Variants in MYO6 observed in about 807,000 individuals in gnomAD.
MYO6 encodes myosin VI, also known as unconventional myosin-VI.
Under a neutral mutation model 178.7 loss-of-function variants are expected in MYO6, and 74 were observed. The ratio of observed to expected loss-of-function variants is 0.41; its 90% CI spans 0.34 to 0.50. MYO6 has a LOEUF of 0.50. Ranked by LOEUF, MYO6 falls within the 20% of genes least tolerant of loss-of-function variation. The probability of loss-of-function intolerance (pLI) is 0.09; values close to 1 mark genes in which losing one functional copy is unlikely to be tolerated. For missense variants in MYO6, 1,330 were observed against 1,547.4 expected (o/e 0.86, Z 2.36); for synonymous variants, 477 against 504.6 (o/e 0.95, Z 0.73).
At chr6:75,907,740 A>G (rs774179625) in intron 31 of MYO6, 32 bp downstream of exon 31, 10 of 1,537,908 alleles carry the variant, frequency 6.5e-6, no homozygotes, top group Non-Finnish European at 8.1e-6. Flanking sequence ...AAAATAGAAA[A>G]TGTTCATAGT....
At chr6:75,836,340 A>T (rs1327135848) in intron 7 of MYO6, among the ~76,000 whole-genome samples, 3 of 152,152 alleles carry the variant, frequency 2.0e-5, no homozygotes, top group Admixed American at 6.5e-5. Context: ...TAGAGAAGTC[A>T]TTTTTTAACG....
In MYO6 at chr6:75,911,693, ATTC is replaced by A; in HGVS notation, c.3435_3437del (p.Asn1145_Ser1146delinsLys). On this transcript the variant is annotated inframe_deletion and splice_region_variant, in exon 33 of 35. Coordinates refer to ENST00000369977, the MANE Select transcript of MYO6 (RefSeq NM_004999.4). Reference sequence around the variant, plus strand: ...ACAGATTTTGCACCATTTTTGAACAATTCACGTAAGTCAATGGGTGGTAACTCA... The same window carrying A: ...ACAGATTTTGCACCATTTTTGAACAAACGTAAGTCAATGGGTGGTAACTCA... 1 of 1,612,238 alleles carries A rather than the reference ATTC, an allele frequency of 6.2e-7. No individual in the cohort carries two copies. Among genetic ancestry groups the A allele is most frequent in the African/African-American group, 1.3e-5 (1 of 74,986 alleles).
chr6:75,843,937 G>A (rs537451250), intron 9 of MYO6, among the ~76,000 whole-genome samples: 2 of 151,888 alleles, frequency 1.3e-5, no homozygotes, highest in African/African-American at 4.8e-5. Context: ...TATTTAATTT[G>A]GGAATTCATG....
At chr6:75,764,447 G>GA (rs1338511257) in intron 1 of MYO6, among the ~76,000 whole-genome samples, 1 of 152,010 alleles carries the variant, frequency 6.6e-6, no homozygotes, top group Non-Finnish European at 1.5e-5. Context: ...TTAAATCTTT[G>GA]AAAGTAGCCA....
At chr6:75,841,502 A>AAG in intron 9 of MYO6, 124 bp downstream of exon 9, 1 of 879,636 alleles carries the variant, frequency 1.1e-6, no homozygotes, top group Non-Finnish European at 1.7e-6. Context: ...CAGCCTGGGC[A>AAG]ATGTAGCGAG....
At position 75,817,623 on chromosome 6, in the gene MYO6, C is replaced by T; in HGVS notation, c.76C>T (p.Pro26Ser). The T allele has an allele frequency of 6.2e-7, 1 of 1,614,034 alleles. No individual in the cohort carries two copies. The highest frequency in any genetic ancestry group is 1.1e-5 in the South Asian group (1 of 91,066). ...GATGGGCAATATTGTGGATATTGGCCCCGACAGCTTAACAATTGAACCCTT... is the reference window on the plus strand; with the variant it reads ...GATGGGCAATATTGTGGATATTGGCTCCGACAGCTTAACAATTGAACCCTT... ...FQMGNIVDIG[P>S]DSLTIEPLNQ... The change falls in exon 2 of 35, where the codon CCC becomes TCC. Residue 26 changes from proline (P) to serine (S), a missense_variant. Physicochemically the swap from Pro to Ser is moderately conservative, Grantham distance 74. Transcript: ENST00000369977.
chr6:75,860,954 C>G, intron 14 of MYO6, 69 bp from the exon 15 acceptor site: 2 of 1,159,198 alleles, frequency 1.7e-6, no homozygotes, highest in Non-Finnish European at 2.6e-6. Flanking sequence ...ATGTTATGTT[C>G]AGAAACAGTG....
chr6:75,800,187 G>T (rs1367652619), intron 1 of MYO6, among the ~76,000 whole-genome samples: 1 of 152,062 alleles, frequency 6.6e-6, no homozygotes, highest in African/African-American at 2.4e-5. Flanking sequence ...AAACAGTCCC[G>T]TAATAAGAGT....
At chr6:75,875,105 C>T (rs1353196743) in intron 20 of MYO6, among the ~76,000 whole-genome samples, 1 of 152,162 alleles carries the variant, frequency 6.6e-6, no homozygotes, top group African/African-American at 2.4e-5. Context: ...TTAAGTTAGG[C>T]CTCTTTTTCT....
intron 33 of MYO6, among the ~76,000 whole-genome samples, chr6:75,913,047 T>C (rs1780881338): frequency 1.3e-5 from 2 of 152,174 alleles, no homozygotes; most frequent in African/African-American, 2.4e-5. Context: ...CTTCTTGGCT[T>C]TATATCATAT....
intron 12 of MYO6, among the ~76,000 whole-genome samples, chr6:75,855,542 A>G (rs575887138): frequency 3.3e-5 from 5 of 152,326 alleles, no homozygotes; most frequent in Admixed American, 6.5e-5. Flanking sequence ...ATAAATCAAT[A>G]TATGACAGTT....
chr6:75,782,675 T>C (rs971667857), intron 1 of MYO6, among the ~76,000 whole-genome samples: 1 of 152,132 alleles, frequency 6.6e-6, no homozygotes, highest in African/African-American at 2.4e-5. Flanking sequence ...CAAGTTTCCT[T>C]TCTCTTCTTT....
At position 75,861,022 on chromosome 6, in the gene MYO6, G is replaced by T; in HGVS notation, c.1474-1G>T. The T allele has an allele frequency of 6.3e-7, 1 of 1,585,490 alleles. No individual in the cohort carries two copies. Among genetic ancestry groups the T allele is most frequent in the Non-Finnish European group, 8.7e-7 (1 of 1,154,478 alleles). ...TATGATTATGATTATTTCATTTTTA[G>T]GAACAAGAACTCTATCAAAAAGAAG... On this transcript the variant is annotated splice_acceptor_variant, in intron 14 of 34. Transcript: ENST00000369977. LOFTEE classifies it high-confidence loss of function.
intron 1 of MYO6, among the ~76,000 whole-genome samples, chr6:75,765,104 T>G (rs1778291898): frequency 6.6e-6 from 1 of 150,456 alleles, no homozygotes; most frequent in African/African-American, 2.4e-5. Context: ...ATTTTTCCTG[T>G]CAATATTGTG....
At chr6:75,762,947 C>T (rs1778078989) in intron 1 of MYO6, among the ~76,000 whole-genome samples, 1 of 151,634 alleles carries the variant, frequency 6.6e-6, no homozygotes, top group African/African-American at 2.4e-5. Context: ...GTATTGAACT[C>T]CTGGTCTCAA....
chr6:75,796,488 T>A (rs891992798), intron 1 of MYO6, among the ~76,000 whole-genome samples: 13 of 152,180 alleles, frequency 8.5e-5, no homozygotes, highest in Non-Finnish European at 1.6e-4. Context: ...GTTACATGGG[T>A]ATACTGTGTG....
intron 1 of MYO6, among the ~76,000 whole-genome samples, chr6:75,809,690 A>AT (rs1234679011): frequency 6.6e-6 from 1 of 151,992 alleles, no homozygotes; most frequent in African/African-American, 2.4e-5. Flanking sequence ...GGATTCAAAG[A>AT]TTTTCTGATT....
intron 1 of MYO6, among the ~76,000 whole-genome samples, chr6:75,798,079 T>C (rs1373538988): frequency 6.6e-6 from 1 of 152,178 alleles, no homozygotes; most frequent in East Asian, 1.9e-4. Context: ...AGAAAGGTAT[T>C]TCCTAGGTTT....
At position 75,879,300 on chromosome 6, in the gene MYO6, C is replaced by T. The variant is rs528123955; in HGVS notation, c.2078-520C>T. ...TCACTTTGTCACCCAGGCTGGAATA[C>T]AGTGTCCTGCAAGGCTCACTGCAGC... On this transcript the variant is annotated intron_variant, in intron 20 of 34. Transcript: ENST00000369977. Among the ~76,000 whole-genome samples the T allele has an allele frequency of 1.2e-4, 19 of 152,248 alleles. No homozygotes were observed. The South Asian group carries it at 3.7e-3, about 30-fold the overall frequency.
Sources: allele counts gnomAD v4.1 joint callset (sites outside exome capture counted in the v4.1 genomes callset), GRCh38; gene constraint gnomAD v4.1.1; transcripts MANE v1.5; gene names NCBI Gene and HGNC (gene_info 2026-07-23, HGNC 2026-07-21).